The following PCDHGA7 variants were observed in gnomAD, a reference collection of about 807,000 sequenced individuals.
PCDHGA7 encodes protocadherin gamma-A7.
A neutral mutation model predicts 58.3 loss-of-function variants in PCDHGA7; 44 were observed. That is an observed-to-expected ratio of 0.75 (90% CI 0.59 to 0.97). PCDHGA7 has a LOEUF of 0.97. PCDHGA7 is among the 50% of genes least tolerant of loss of function. The pLI is 0.00. For synonymous variants in PCDHGA7, 516 were observed against 504.2 expected, an observed-to-expected ratio of 1.02 and a Z score of -0.31; for missense variants, 1,266 against 1,188.7, an observed-to-expected ratio of 1.06 and a Z score of -0.96.
chr5:141,438,629 T>C (rs1162332421), intron 1 of PCDHGA7, among the ~76,000 whole-genome samples: 9 of 48,096 alleles, frequency 1.9e-4, no homozygotes, highest in Admixed American at 6.4e-4. Context: ...TATATATATA[T>C]ATATATACAC....
chr5:141,425,317 C>T (rs78746536), intron 1 of PCDHGA7, among the ~76,000 whole-genome samples: 174 of 152,168 alleles, frequency 1.1e-3, no homozygotes, highest in East Asian at 3.7e-3. Context: ...TTCCCAAGAT[C>T]GTGGAGAACA....
Position 141,408,360 on chromosome 5 carries a change from A to G in PCDHGA7, c.2424+23037A>G, listed in dbSNP as rs373951875. 2.4e-5 allele frequency: 38 copies of G among 1,613,808 alleles called. No homozygotes were observed. In the African/African-American group the frequency reaches 3.7e-4, roughly 16 times the overall value. ...TCGGTGGTGGGGAACCTCGCTAAGG[A>G]TCTAGGGCTCAGTGTCCTGGATGTG... On this transcript the variant is annotated intron_variant, in intron 1 of 3. Coordinates refer to ENST00000518325, the MANE Select transcript of PCDHGA7 (RefSeq NM_018920.4).
At chr5:141,469,362 G>C (rs915161729) in intron 1 of PCDHGA7, among the ~76,000 whole-genome samples, 14 of 152,084 alleles carry the variant, frequency 9.2e-5, no homozygotes, top group Non-Finnish European at 7.4e-5. Flanking sequence ...GGATCATGAG[G>C]TAAAGAGATC....
chr5:141,426,719 A>G (rs776136674), intron 1 of PCDHGA7: 2 of 446,424 alleles, frequency 4.5e-6, no homozygotes, highest in Non-Finnish European at 9.1e-6. Context: ...ATGAACTAGC[A>G]ATTCCAGGCA....
At chr5:141,414,242 T>C (rs1412230684) in intron 1 of PCDHGA7, 1 of 1,613,538 alleles carries the variant, frequency 6.2e-7, no homozygotes, top group Admixed American at 1.7e-5. Flanking sequence ...ATCACGTCTC[T>C]ATTTAGTCCA....
chr5:141,485,279 C>T lies in PCDHGA7; in HGVS notation c.2425-9528C>T. 1 of 1,614,108 alleles carries T rather than the reference C, an allele frequency of 6.2e-7. No individual in the cohort carries two copies. Among genetic ancestry groups the T allele is most frequent in the Non-Finnish European group, 8.5e-7 (1 of 1,179,966 alleles). ...TTGTGGGCAGATCCGCTACCCGGTC[C>T]CAGAGGAGTCACAGGAAGGGACTTT... On this transcript the variant is annotated intron_variant, in intron 1 of 3. Transcript: ENST00000518325. The surrounding 1 kb of genome is among the most constrained non-coding windows in gnomAD (Gnocchi z 5.7).
intron 1 of PCDHGA7, chr5:141,421,969 T>C (rs1039340340): frequency 1.2e-6 from 2 of 1,611,188 alleles, no homozygotes; most frequent in Admixed American, 1.7e-5. Flanking sequence ...ACAGTCCGTA[T>C]ATCGCGTGAG....
At chr5:141,414,458 C>T (rs2095749873) in intron 1 of PCDHGA7, 9 of 1,613,698 alleles carry the variant, frequency 5.6e-6, no homozygotes, top group Non-Finnish European at 6.8e-6. Flanking sequence ...ACAGTGACAG[C>T]CACAGATGGG....
intron 1 of PCDHGA7, chr5:141,428,329 A>G (rs928788851): frequency 4.8e-6 from 3 of 627,180 alleles, no homozygotes; most frequent in South Asian, 3.5e-5. Context: ...CTTGATTTCT[A>G]TGCTCTTCTT....
At chr5:141,398,421 G>A in intron 1 of PCDHGA7, 2 of 1,510,606 alleles carry the variant, frequency 1.3e-6, no homozygotes, top group Non-Finnish European at 1.8e-6. Context: ...TATGCGGGAA[G>A]AAGCCAGCTT....
chr5:141,389,249 T>A, intron 1 of PCDHGA7: 1 of 1,614,064 alleles, frequency 6.2e-7, no homozygotes, highest in Non-Finnish European at 8.5e-7. Flanking sequence ...AGTCTTCCTA[T>A]ATAGTCCACG....
chr5:141,478,672 A>G (rs1216792401), intron 1 of PCDHGA7: 22 of 1,551,540 alleles, frequency 1.4e-5, no homozygotes, highest in Admixed American at 2.0e-5. Flanking sequence ...CACACTTTCA[A>G]CTGGCCCTTC....
chr5:141,450,829 A>ATTT (rs373424450), intron 1 of PCDHGA7, among the ~76,000 whole-genome samples: 12,063 of 134,876 alleles, frequency 0.089, 619 homozygotes, highest in African/African-American at 0.14. Flanking sequence ...TATTATTATT[A>ATTT]TTTTTTTTTT....
intron 1 of PCDHGA7, chr5:141,417,592 TG>T: frequency 2.1e-6 from 1 of 485,078 alleles, no homozygotes; most frequent in Non-Finnish European, 3.5e-6. Context: ...ACAGAGCCTC[TG>T]GGCGCCGCCG....
At chr5:141,397,626 C>G (rs539348100) in intron 1 of PCDHGA7, among the ~76,000 whole-genome samples, 27 of 152,256 alleles carry the variant, frequency 1.8e-4, no homozygotes, top group Middle Eastern at 3.4e-3. Context: ...TTAGTTCTAG[C>G]TAAGAGTTCA....
chr5:141,400,106 T>A (rs771937544), intron 1 of PCDHGA7: 1 of 1,613,950 alleles, frequency 6.2e-7, no homozygotes, highest in African/African-American at 1.3e-5. Context: ...CACTTGGTCT[T>A]TGCTGACAGC....
chr5:141,398,135 G>C, intron 1 of PCDHGA7: 1 of 1,556,792 alleles, frequency 6.4e-7, no homozygotes, highest in Non-Finnish European at 8.6e-7. Context: ...GGGATGGGGA[G>C]CGGCGCCGGG....
chr5:141,421,220 A>G (rs1178268746), intron 1 of PCDHGA7: 2 of 1,575,620 alleles, frequency 1.3e-6, no homozygotes, highest in Non-Finnish European at 1.7e-6. Flanking sequence ...ATCGGCTTAG[A>G]GCCTGCCATG....
intron 1 of PCDHGA7, among the ~76,000 whole-genome samples, chr5:141,492,409 C>G (rs1367119266): frequency 6.6e-6 from 1 of 152,230 alleles, no homozygotes; most frequent in Non-Finnish European, 1.5e-5. Flanking sequence ...TCCCCTCTGC[C>G]GCTCCCTCCG....
Sources: allele counts gnomAD v4.1 joint callset (sites outside exome capture counted in the v4.1 genomes callset), GRCh38; gene constraint gnomAD v4.1.1; non-coding constraint Gnocchi (gnomAD v3.1); transcripts MANE v1.5; gene names NCBI Gene and HGNC (gene_info 2026-07-23, HGNC 2026-07-21).